Variants in TMEM192 observed in about 807,000 individuals in gnomAD.
The protein encoded by TMEM192 is transmembrane protein 192.
Under a neutral mutation model 26.7 loss-of-function variants are expected in TMEM192, and 20 were observed. The observed-to-expected ratio is 0.75, with a 90% CI of 0.53 to 1.09. The LOEUF (loss-of-function observed/expected upper bound fraction) is 1.09. Ranked by LOEUF, TMEM192 falls within the 50% of genes least tolerant of loss-of-function variation. The pLI, the probability that TMEM192 is intolerant of heterozygous loss-of-function variation, is 0.00. For synonymous variants in TMEM192, 124 were observed against 121.0 expected, an observed-to-expected ratio of 1.02 and a Z score of -0.16; for missense variants, 304 against 322.6, an observed-to-expected ratio of 0.94 and a Z score of 0.44.
intron 3 of TMEM192, among the ~76,000 whole-genome samples, chr4:165,089,857 T>C (rs949428089): frequency 2.0e-5 from 3 of 152,138 alleles, no homozygotes; most frequent in Non-Finnish European, 4.4e-5. Flanking sequence ...GTGTTCTGAA[T>C]CCCAACAGGT....
In TMEM192 at chr4:165,100,874, C is replaced by T. The variant is rs377080166; in HGVS notation, c.193G>A (p.Ala65Thr). Residue 65 changes from alanine (A) to threonine (T), a missense_variant, in exon 3 of 6, where the codon GCA (alanine) becomes ACA (threonine). Transcript: ENST00000306480. Reference protein sequence around the residue: ...WFIHLVFVVLAFLTGVLCSYP... With the variant: ...WFIHLVFVVLTFLTGVLCSYP... ...GAACAAAGCACACCTGTTAAAAATG[C>T]TAAAACAACAAACACGAGCTGGGGG... 3.0e-5 allele frequency: 48 copies of T among 1,610,980 alleles called. No homozygotes were observed. The African/African-American group carries it at 3.5e-4, about 12-fold the overall frequency.
intron 3 of TMEM192, among the ~76,000 whole-genome samples, chr4:165,096,146 G>A (rs1734894119): frequency 6.6e-6 from 1 of 151,758 alleles, no homozygotes; most frequent in Non-Finnish European, 1.5e-5. Context: ...AGTGGCTCAT[G>A]CCTGTAATGC....
At position 165,079,720 on chromosome 4, in the gene TMEM192, G is replaced by A; in HGVS notation, c.754C>T (p.Leu252=). ...GTGAGAGCCAACAATCGCTTACTCA[G>A]CAGCGCATTGTGTCGCTTCAGGTAT... The part of the protein sequence containing the change: ...IEYLKRHNAL[L]SKRLLALTSS... Residue 252 remains leucine, a synonymous_variant, in exon 6 of 6, where the codon CTG becomes TTG. Transcript: ENST00000306480. The A allele has an allele frequency of 5.0e-6, 8 of 1,614,058 alleles. No homozygotes were observed. Among genetic ancestry groups the A allele is most frequent in the Non-Finnish European group, 6.8e-6 (8 of 1,179,968 alleles).
At chr4:165,087,262 A>C (rs1348179540) in intron 4 of TMEM192, among the ~76,000 whole-genome samples, 3 of 152,238 alleles carry the variant, frequency 2.0e-5, no homozygotes, top group Admixed American at 6.5e-5. Context: ...AAGAAATATG[A>C]ATCAGTGGAC....
intron 3 of TMEM192, among the ~76,000 whole-genome samples, chr4:165,092,067 GA>G (rs1219041308): frequency 6.7e-6 from 1 of 149,132 alleles, no homozygotes; most frequent in Non-Finnish European, 1.5e-5. Flanking sequence ...AAAAAATGGG[GA>G]TAACAGTACC....
chr4:165,090,368 C>T (rs543728295), intron 3 of TMEM192, among the ~76,000 whole-genome samples: 70 of 150,576 alleles, frequency 4.6e-4, no homozygotes, highest in Non-Finnish European at 8.9e-4. Flanking sequence ...GGTGACAGAG[C>T]GAGACTCCAT....
chr4:165,111,470 G>A (rs373956577), intron 1 of TMEM192, among the ~76,000 whole-genome samples: 3 of 152,220 alleles, frequency 2.0e-5, no homozygotes, highest in South Asian at 2.1e-4. Flanking sequence ...ATCCAAGAAC[G>A]CCAGAGCAGC....
intron 1 of TMEM192, among the ~76,000 whole-genome samples, chr4:165,106,244 T>C (rs1735155561): frequency 6.6e-6 from 1 of 152,236 alleles, no homozygotes; most frequent in Non-Finnish European, 1.5e-5. Flanking sequence ...ATTACCATTC[T>C]AACTCCTAAA....
intron 3 of TMEM192, among the ~76,000 whole-genome samples, chr4:165,089,468 CCCG>C (rs1264657526): frequency 6.6e-6 from 1 of 152,066 alleles, no homozygotes; most frequent in East Asian, 1.9e-4. Flanking sequence ...ACTACAGGCG[CCCG>C]CCACCACGCC....
intron 1 of TMEM192, chr4:165,111,811 T>G (rs1190698268): frequency 1.3e-5 from 2 of 152,240 alleles, no homozygotes; most frequent in Non-Finnish European, 2.9e-5. Flanking sequence ...TCTCTTCCTT[T>G]TCCTGATGCA....
At chr4:165,108,091 G>A (rs1383831974) in intron 1 of TMEM192, among the ~76,000 whole-genome samples, 1 of 146,670 alleles carries the variant, frequency 6.8e-6, no homozygotes, top group Non-Finnish European at 1.5e-5. Flanking sequence ...CTCTGTGGGT[G>A]CTGGGTATTT....
At chr4:165,094,314 G>C (rs1028243569) in intron 3 of TMEM192, among the ~76,000 whole-genome samples, 3 of 152,148 alleles carry the variant, frequency 2.0e-5, no homozygotes, top group African/African-American at 7.2e-5. Context: ...TGGGATTACA[G>C]GTGTGAGCCA....
Position 165,100,734 on chromosome 4 carries a change from T to C in TMEM192, c.333A>G (p.Glu111=), listed in dbSNP as rs888111594. 2 of 1,613,954 alleles carry C rather than the reference T, an allele frequency of 1.2e-6. No homozygotes were observed. Among genetic ancestry groups the C allele is most frequent in the African/African-American group, 2.7e-5 (2 of 74,886 alleles). Residue 111 remains glutamate (E), a synonymous_variant, in exon 3 of 6, where the codon GAA becomes GAG. Coordinates refer to ENST00000306480, the MANE Select transcript of TMEM192 (RefSeq NM_001100389.2). ...VILWILHLLL[E]CYIQYHHSKI... The stretch of plus-strand genomic sequence containing the variant: ...TGCTGTGGTGATACTGGATGTAGCA[T>C]TCAAGGAGTAAATGGAGAATCCACA...
chr4:165,098,767 G>A (rs1423460227), intron 3 of TMEM192, among the ~76,000 whole-genome samples: 2 of 150,724 alleles, frequency 1.3e-5, no homozygotes, highest in South Asian at 2.1e-4. Context: ...GCATGACTTC[G>A]GCTCACTGTA....
At chr4:165,097,504 A>AAAG (rs1734938320) in intron 3 of TMEM192, among the ~76,000 whole-genome samples, 1 of 149,600 alleles carries the variant, frequency 6.7e-6, no homozygotes, top group Non-Finnish European at 1.5e-5. Flanking sequence ...AAAAAAAAAA[A>AAAG]AAAAAAGAAA....
At position 165,072,043 on chromosome 4, in the gene TMEM192, C is replaced by T. The variant is rs1734282455; in HGVS notation, c.*7615G>A. ...GGATCATGAGGTCAGGAGTTCCAGA[C>T]CAGCCTAGTCAGCATGGTGAAACCT... On this transcript the variant is annotated 3_prime_UTR_variant, in exon 6 of 6. Transcript: ENST00000306480. 1 of 151,690 alleles carries T rather than the reference C, an allele frequency of 6.6e-6. No individual in the cohort carries two copies. The highest frequency in any genetic ancestry group is 2.1e-4 in the South Asian group (1 of 4,810). 9.4% of individuals were successfully genotyped at this position (151,690 alleles called of 1,614,324 possible). A position where few individuals can be genotyped will look rare whatever the true frequency, so the allele number is the denominator to read the frequency against.
intron 5 of TMEM192, 32 bp from the exon 6 acceptor site, chr4:165,079,828 C>T (rs1277723383): frequency 9.3e-6 from 15 of 1,605,662 alleles, no homozygotes; most frequent in Non-Finnish European, 1.2e-5. Context: ...ATGGGTTACA[C>T]ATATTCACCA....
chr4:165,100,816 C>T lies in TMEM192; in HGVS notation c.251G>A (p.Gly84Glu), dbSNP rs747931455. The T allele has an allele frequency of 2.5e-6, 4 of 1,614,042 alleles. No homozygotes were observed. The highest frequency in any genetic ancestry group is 3.3e-4 in the Middle Eastern group (2 of 6,062). The change falls in exon 3 of 6, where the codon GGA becomes GAA. Residue 84 changes from glycine (G) to glutamate (E), a missense_variant. Physicochemically the swap from Gly to Glu is moderately conservative, Grantham distance 98. Transcript: ENST00000306480. ...AACTTTCAATGGGTTTGTGTAATTT[C>T]CTGGGCACTTGTCCTCATTTGGATT... is the stretch of plus-strand genomic sequence containing the variant. ...YPNPNEDKCPGNYTNPLKVQT... is the reference protein window; with the variant it reads ...YPNPNEDKCPENYTNPLKVQT...
chr4:165,093,255 C>A (rs1241877763), intron 3 of TMEM192, among the ~76,000 whole-genome samples: 1 of 151,828 alleles, frequency 6.6e-6, no homozygotes, highest in Non-Finnish European at 1.5e-5. Context: ...CGCCACCATG[C>A]CTGGCTAATT....
Sources: gnomAD v4.1 joint callset for allele counts (sites outside exome capture counted in the v4.1 genomes callset) on GRCh38, gnomAD v4.1.1 for gene constraint, MANE v1.5 for transcripts, NCBI Gene and HGNC (gene_info 2026-07-23, HGNC 2026-07-21) for gene names.